The following TSPAN14 variants were observed in gnomAD, a reference collection of about 807,000 sequenced individuals.
The protein encoded by TSPAN14 is tetraspanin 14, also known as tetraspanin-14.
In TSPAN14, 16 loss-of-function variants were observed where a neutral mutation model predicts 36.6. The ratio of observed to expected loss-of-function variants is 0.44; its 90% CI spans 0.30 to 0.66. TSPAN14 has a LOEUF of 0.66. Among genes scored for constraint, TSPAN14 ranks in the 30% least tolerant of loss-of-function variants. The probability of loss-of-function intolerance (pLI) is 0.12; values close to 1 mark genes in which losing one functional copy is unlikely to be tolerated. For synonymous variants in TSPAN14, 139 were observed against 143.8 expected, an observed-to-expected ratio of 0.97 and a Z score of 0.24; for missense variants, 231 against 355.1, an observed-to-expected ratio of 0.65 and a Z score of 2.81.
At chr10:80,518,022 A>G (rs1364944606) in exon 9 of TSPAN14, 1 of 1,543,098 alleles carries the variant, frequency 6.5e-7, no homozygotes, top group Non-Finnish European at 8.8e-7. Flanking sequence ...GGGAGGCCAG[A>G]GCCTTTCTCT....
chr10:80,488,796 C>G (rs901929371), intron 1 of TSPAN14, among the ~76,000 whole-genome samples: 1 of 152,158 alleles, frequency 6.6e-6, no homozygotes, highest in Admixed American at 6.5e-5. Context: ...ACTGTGAAGT[C>G]CCCTGTCCTT....
At chr10:80,485,716 C>G (rs1847549387) in intron 1 of TSPAN14, 1 of 984,866 alleles carries the variant, frequency 1.0e-6, no homozygotes, top group Admixed American at 6.2e-5. Context: ...GCCTTCCCTC[C>G]CTGTCCCGAG....
intron 1 of TSPAN14, among the ~76,000 whole-genome samples, chr10:80,486,211 G>A (rs1847588030): frequency 6.6e-6 from 1 of 152,268 alleles, no homozygotes; most frequent in East Asian, 1.9e-4. Flanking sequence ...AGCAGATGGT[G>A]AGGGAAGCCA....
At chr10:80,480,243 G>A (rs1169058013) in intron 1 of TSPAN14, among the ~76,000 whole-genome samples, 1 of 150,966 alleles carries the variant, frequency 6.6e-6, no homozygotes, top group Non-Finnish European at 1.5e-5. Flanking sequence ...CTGCAAACAG[G>A]GACAATTTGA....
intron 1 of TSPAN14, among the ~76,000 whole-genome samples, chr10:80,455,557 G>A (rs1355313378): frequency 1.3e-5 from 2 of 152,146 alleles, no homozygotes; most frequent in African/African-American, 4.8e-5. Flanking sequence ...AAGTCCAGAA[G>A]CAGTTAGTGC....
At chr10:80,486,972 A>G (rs1298244842) in intron 1 of TSPAN14, among the ~76,000 whole-genome samples, 1 of 152,212 alleles carries the variant, frequency 6.6e-6, no homozygotes, top group Non-Finnish European at 1.5e-5. Context: ...AGGTAATCTC[A>G]GCAATTTGGG....
intron 2 of TSPAN14, among the ~76,000 whole-genome samples, chr10:80,500,097 G>A (rs1373208879): frequency 7.9e-5 from 12 of 152,092 alleles, no homozygotes; most frequent in Admixed American, 3.9e-4. Context: ...TCATGGGACC[G>A]TTATGTGAGC....
At chr10:80,516,254 G>T (rs143441058) in exon 8 of TSPAN14, 2 of 1,614,134 alleles carry the variant, frequency 1.2e-6, no homozygotes, top group African/African-American at 1.3e-5. Context: ...GCATCCAGGC[G>T]CTGGAAAGCT....
chr10:80,471,987 C>T (rs1203669680), intron 1 of TSPAN14, among the ~76,000 whole-genome samples: 3 of 152,058 alleles, frequency 2.0e-5, no homozygotes, highest in Non-Finnish European at 4.4e-5. Flanking sequence ...CCAGCCTGGG[C>T]AACATAGGGA....
intron 5 of TSPAN14, among the ~76,000 whole-genome samples, chr10:80,510,144 A>G (rs1031848902): frequency 1.3e-5 from 2 of 152,198 alleles, no homozygotes; most frequent in Non-Finnish European, 2.9e-5. Flanking sequence ...CTCCTTGGCC[A>G]TGTCAGCCTG....
chr10:80,500,493 CTAAT>C (rs1406366529), intron 2 of TSPAN14, among the ~76,000 whole-genome samples: 1 of 151,808 alleles, frequency 6.6e-6, no homozygotes, highest in Non-Finnish European at 1.5e-5. Flanking sequence ...CCACGCTCGG[CTAAT>C]TTTTTATTTT....
intron 8 of TSPAN14, 113 bp downstream of exon 8, chr10:80,516,436 A>C (rs1840946037): frequency 1.4e-6 from 2 of 1,470,086 alleles, no homozygotes; most frequent in Non-Finnish European, 1.9e-6. Context: ...AAGCTTGCAG[A>C]AGAAAAAAAG....
intron 1 of TSPAN14, among the ~76,000 whole-genome samples, chr10:80,456,652 C>A (rs1198857014): frequency 6.6e-6 from 1 of 152,234 alleles, no homozygotes; most frequent in Non-Finnish European, 1.5e-5. Flanking sequence ...GCCTGGGAAA[C>A]CTTTGCTGGC....
intron 2 of TSPAN14, among the ~76,000 whole-genome samples, chr10:80,492,409 A>G (rs528419121): frequency 5.3e-5 from 8 of 152,206 alleles, no homozygotes; most frequent in African/African-American, 9.7e-5. Context: ...GATGGTGGAC[A>G]CTGGGCTCAG....
intron 1 of TSPAN14, among the ~76,000 whole-genome samples, chr10:80,463,414 C>A (rs1846082375): frequency 6.6e-6 from 1 of 152,236 alleles, no homozygotes; most frequent in African/African-American, 2.4e-5. Context: ...TCCCCTGAGG[C>A]CGCTGTCACC....
At chr10:80,463,468 TTTA>T (rs1402732403) in intron 1 of TSPAN14, among the ~76,000 whole-genome samples, 1 of 152,222 alleles carries the variant, frequency 6.6e-6, no homozygotes, top group Non-Finnish European at 1.5e-5. Context: ...TCCTCTCTTG[TTTA>T]TTACCCCAGT....
chr10:80,500,050 G>A (rs982702595), intron 2 of TSPAN14, among the ~76,000 whole-genome samples: 11 of 152,308 alleles, frequency 7.2e-5, no homozygotes, highest in African/African-American at 2.6e-4. Flanking sequence ...CCAGGGAAGG[G>A]TTCCGTGGGG....
intron 1 of TSPAN14, among the ~76,000 whole-genome samples, chr10:80,467,549 C>G (rs1846309859): frequency 6.6e-6 from 1 of 152,162 alleles, no homozygotes; most frequent in Admixed American, 6.5e-5. Context: ...CCTTGGAGTT[C>G]TATTAATCTA....
intron 1 of TSPAN14, among the ~76,000 whole-genome samples, chr10:80,462,734 G>C (rs866082440): frequency 6.6e-6 from 1 of 152,214 alleles, no homozygotes; most frequent in Non-Finnish European, 1.5e-5. Context: ...AGTGGTTAGG[G>C]AATGGGGTTT....
Sources: gnomAD v4.1 joint callset for allele counts (sites outside exome capture counted in the v4.1 genomes callset) on GRCh38, gnomAD v4.1.1 for gene constraint, MANE v1.5 for transcripts, NCBI Gene and HGNC (gene_info 2026-07-23, HGNC 2026-07-21) for gene names.